KCNQ3: variants seen among roughly 807,000 people sequenced by gnomAD.
KCNQ3 encodes the protein potassium voltage-gated channel subfamily KQT member 3.
Under a neutral mutation model 92.5 loss-of-function variants are expected in KCNQ3, and 30 were observed. The ratio of observed to expected loss-of-function variants is 0.32; its 90% CI spans 0.24 to 0.44. The LOEUF (loss-of-function observed/expected upper bound fraction) is 0.44, where lower values mean the gene tolerates loss of function less well. KCNQ3 is among the 20% of genes least tolerant of loss of function. KCNQ3 has a pLI of 1.00. For synonymous variants in KCNQ3, 450 were observed against 468.8 expected (o/e 0.96, Z 0.52); for missense variants, 913 against 1,140.3 (o/e 0.80, Z 2.87).
chr8:132,154,113 C>T (rs1825719395), intron 9 of KCNQ3, among the ~76,000 whole-genome samples: 1 of 150,708 alleles, frequency 6.6e-6, no homozygotes, highest in Non-Finnish European at 1.5e-5. Flanking sequence ...GTTAATGTCC[C>T]AAACCTTAAG....
At chr8:132,172,969 G>C (rs1270171584) in intron 6 of KCNQ3, among the ~76,000 whole-genome samples, 1 of 152,190 alleles carries the variant, frequency 6.6e-6, no homozygotes, top group Non-Finnish European at 1.5e-5. Context: ...AAGCCCCTTA[G>C]CCCTGTTGCA....
chr8:132,386,620 A>T (rs1486609590), intron 1 of KCNQ3, among the ~76,000 whole-genome samples: 1 of 152,170 alleles, frequency 6.6e-6, no homozygotes, highest in Non-Finnish European at 1.5e-5. Context: ...TTGGTTTCAA[A>T]TAATTCTTAC....
At chr8:132,295,656 G>A (rs1816996710) in intron 1 of KCNQ3, among the ~76,000 whole-genome samples, 1 of 152,206 alleles carries the variant, frequency 6.6e-6, no homozygotes, top group African/African-American at 2.4e-5. Context: ...ATGACAGATT[G>A]GATAAAGAAA....
At chr8:132,190,835 TG>T (rs1374881273) in intron 1 of KCNQ3, among the ~76,000 whole-genome samples, 1 of 152,258 alleles carries the variant, frequency 6.6e-6, no homozygotes, top group Non-Finnish European at 1.5e-5. Context: ...CTGCACCAAA[TG>T]CATCTCACTT....
chr8:132,178,097 C>T (rs550007291), intron 4 of KCNQ3, among the ~76,000 whole-genome samples: 1 of 152,328 alleles, frequency 6.6e-6, no homozygotes, highest in Non-Finnish European at 1.5e-5. Context: ...CACTGGGGAT[C>T]TATTATAGTC....
intron 1 of KCNQ3, among the ~76,000 whole-genome samples, chr8:132,376,827 T>C (rs1819622941): frequency 6.6e-6 from 1 of 152,114 alleles, no homozygotes; most frequent in South Asian, 2.1e-4. Context: ...CTGACTTAAA[T>C]CAGAAGAGGA....
intron 1 of KCNQ3, among the ~76,000 whole-genome samples, chr8:132,258,039 A>C: frequency 6.6e-6 from 1 of 152,104 alleles, no homozygotes; most frequent in East Asian, 1.9e-4. Flanking sequence ...TTCAAGGGAG[A>C]AATAAACAGT....
intron 1 of KCNQ3, among the ~76,000 whole-genome samples, chr8:132,405,349 T>C (rs1820448418): frequency 6.6e-6 from 1 of 152,200 alleles, no homozygotes; most frequent in African/African-American, 2.4e-5. Flanking sequence ...AGCTCCTGGA[T>C]TTCCCAAGTC....
At chr8:132,199,301 T>C (rs976786408) in intron 1 of KCNQ3, among the ~76,000 whole-genome samples, 14 of 152,210 alleles carry the variant, frequency 9.2e-5, no homozygotes, top group Non-Finnish European at 1.8e-4. Context: ...TAATTTGGCA[T>C]TAAGAGCATA....
intron 1 of KCNQ3, among the ~76,000 whole-genome samples, chr8:132,474,458 TCACCC>T (rs1822363360): frequency 6.6e-6 from 1 of 152,042 alleles, no homozygotes; most frequent in South Asian, 2.1e-4. Context: ...AGAGAAGTGA[TCACCC>T]TCACTCAAGT....
At chr8:132,436,289 A>C (rs1290802344) in intron 1 of KCNQ3, among the ~76,000 whole-genome samples, 1 of 152,262 alleles carries the variant, frequency 6.6e-6, no homozygotes, top group East Asian at 1.9e-4. Flanking sequence ...AGAGTTACAT[A>C]TATAACCTGT....
intron 2 of KCNQ3, among the ~76,000 whole-genome samples, 169 bp from the exon 3 acceptor site, chr8:132,184,536 G>T (rs902365664): frequency 6.6e-6 from 1 of 152,130 alleles, no homozygotes; most frequent in African/African-American, 2.4e-5. Context: ...GGGAGAACAG[G>T]TCCATCACCG....
intron 1 of KCNQ3, among the ~76,000 whole-genome samples, chr8:132,255,841 TTA>T (rs1815566496): frequency 6.6e-6 from 1 of 152,162 alleles, no homozygotes; most frequent in Non-Finnish European, 1.5e-5. Flanking sequence ...GAAAATTCAT[TTA>T]AAAATTACAT....
At position 132,128,227 on chromosome 8, in the gene KCNQ3, C is replaced by G. The variant is rs2957046; in HGVS notation, c.*1035G>C. On this transcript the variant is annotated 3_prime_UTR_variant, in exon 15 of 15. Coordinates refer to ENST00000388996, the MANE Select transcript of KCNQ3 (RefSeq NM_004519.4). ...GACCTGACTTTTGAGTCCTGGTTCT[C>G]TATGGGACAACTGAGTGACTCTGGG... 1.3e-5 allele frequency: 2 copies of G among 152,144 alleles called. No homozygotes were observed. The highest frequency in any genetic ancestry group is 2.9e-5 in the Non-Finnish European group (2 of 68,032). 9.4% of individuals were successfully genotyped at this position (152,144 alleles called of 1,614,324 possible). A position where few individuals can be genotyped will look rare whatever the true frequency, so the allele number is the denominator to read the frequency against.
At chr8:132,188,961 A>G (rs149278469) in intron 1 of KCNQ3, among the ~76,000 whole-genome samples, 50 of 152,354 alleles carry the variant, frequency 3.3e-4, no homozygotes, top group African/African-American at 1.1e-3. Flanking sequence ...AACAACATGT[A>G]CACGTGCAGG....
chr8:132,388,055 A>G (rs1420694401), intron 1 of KCNQ3, among the ~76,000 whole-genome samples: 2 of 151,878 alleles, frequency 1.3e-5, no homozygotes, highest in Non-Finnish European at 2.9e-5. Context: ...GAAGAAGAAG[A>G]AGAGAAGAAG....
chr8:132,473,450 G>A (rs900429076), intron 1 of KCNQ3, among the ~76,000 whole-genome samples: 3 of 152,222 alleles, frequency 2.0e-5, no homozygotes, highest in African/African-American at 7.2e-5. Context: ...TAACAAGGTT[G>A]TCATTAGAGT....
chr8:132,277,891 C>T (rs1360381575), intron 1 of KCNQ3: 3 of 939,842 alleles, frequency 3.2e-6, no homozygotes, highest in Non-Finnish European at 3.8e-6. Context: ...AATGATCCCC[C>T]TGTCTCTGCT....
At chr8:132,398,694 A>G (rs1197922209) in intron 1 of KCNQ3, among the ~76,000 whole-genome samples, 1 of 152,222 alleles carries the variant, frequency 6.6e-6, no homozygotes. Flanking sequence ...TGATGCTTAC[A>G]GTGCAAAGGT....
Sources: gnomAD v4.1 joint callset for allele counts (sites outside exome capture counted in the v4.1 genomes callset) on GRCh38, gnomAD v4.1.1 for gene constraint, MANE v1.5 for transcripts, NCBI Gene and HGNC (gene_info 2026-07-23, HGNC 2026-07-21) for gene names.